The following RPTOR variants were observed in gnomAD, a reference collection of about 807,000 sequenced individuals.
RPTOR encodes the protein regulatory-associated protein of mTOR.
A neutral mutation model predicts 169.9 loss-of-function variants in RPTOR; 21 were observed. That is an observed-to-expected ratio of 0.12 (90% CI 0.09 to 0.18). The LOEUF (loss-of-function observed/expected upper bound fraction) is 0.18, where lower values mean the gene tolerates loss of function less well. Among genes scored for constraint, RPTOR ranks in the 10% least tolerant of loss-of-function variants. The pLI is 1.00. For synonymous variants in RPTOR, 732 were observed against 753.2 expected (o/e 0.97, Z 0.46); for missense variants, 1,133 against 1,855.9 (o/e 0.61, Z 7.16).
At chr17:80,590,931 G>T (rs1467358599) in intron 1 of RPTOR, among the ~76,000 whole-genome samples, 1 of 151,914 alleles carries the variant, frequency 6.6e-6, no homozygotes, top group Non-Finnish European at 1.5e-5. Flanking sequence ...TCTGTGGAAT[G>T]ATTTTTTTAA....
intron 21 of RPTOR, among the ~76,000 whole-genome samples, chr17:80,921,808 G>A (rs1011813155): frequency 6.6e-6 from 1 of 152,054 alleles, no homozygotes; most frequent in Non-Finnish European, 1.5e-5. Context: ...CCCACCCTCC[G>A]GGAGCAGCCA....
intron 1 of RPTOR, among the ~76,000 whole-genome samples, chr17:80,557,696 G>C (rs2084428016): frequency 6.6e-6 from 1 of 150,434 alleles, no homozygotes; most frequent in African/African-American, 2.4e-5. Flanking sequence ...AGGCTAAGGA[G>C]GGCAGATCAC....
At chr17:80,855,290 C>T (rs2067840007) in intron 11 of RPTOR, among the ~76,000 whole-genome samples, 174 bp from the exon 12 acceptor site, 1 of 152,218 alleles carries the variant, frequency 6.6e-6, no homozygotes, top group Non-Finnish European at 1.5e-5. Flanking sequence ...TTTTCTTCAC[C>T]TGTCTAAAAG....
chr17:80,607,296 A>C (rs905010462), intron 1 of RPTOR, among the ~76,000 whole-genome samples: 18 of 152,238 alleles, frequency 1.2e-4, no homozygotes, highest in African/African-American at 4.1e-4. Context: ...TGGCAGTACC[A>C]GATTTTATTT....
At chr17:80,899,094 C>T (rs771390526) in intron 20 of RPTOR, among the ~76,000 whole-genome samples, 32 of 152,256 alleles carry the variant, frequency 2.1e-4, no homozygotes, top group Non-Finnish European at 4.4e-4. Flanking sequence ...AGCCCAGACA[C>T]GCCAACTTGT....
intron 3 of RPTOR, among the ~76,000 whole-genome samples, chr17:80,669,395 T>C (rs994442470): frequency 5.9e-5 from 9 of 152,220 alleles, no homozygotes; most frequent in African/African-American, 2.2e-4. Context: ...CATTCTTTCT[T>C]TTTTTTGAGA....
chr17:80,949,145 G>A (rs558194912), intron 27 of RPTOR, among the ~76,000 whole-genome samples: 124 of 152,310 alleles, frequency 8.1e-4, no homozygotes, highest in Non-Finnish European at 1.6e-3. Context: ...AGGAAGGGCA[G>A]CCCCGGCTCC....
At chr17:80,940,004 C>T (rs921196955) in intron 24 of RPTOR, among the ~76,000 whole-genome samples, 1 of 152,166 alleles carries the variant, frequency 6.6e-6, no homozygotes, top group Non-Finnish European at 1.5e-5. Context: ...GAGGGACCAG[C>T]GATGTGTTTT....
intron 1 of RPTOR, among the ~76,000 whole-genome samples, chr17:80,547,250 C>T (rs546324347): frequency 8.5e-5 from 13 of 152,182 alleles, no homozygotes; most frequent in African/African-American, 3.1e-4. Flanking sequence ...TTATGGACAT[C>T]TTTAGTAGTA....
intron 13 of RPTOR, among the ~76,000 whole-genome samples, chr17:80,879,851 A>G (rs2068166184): frequency 6.6e-6 from 1 of 152,250 alleles, no homozygotes; most frequent in African/African-American, 2.4e-5. Flanking sequence ...CTTTAGCACC[A>G]GGAAACCTCC....
intron 2 of RPTOR, among the ~76,000 whole-genome samples, chr17:80,634,368 TA>T (rs1271228849): frequency 1.2e-5 from 1 of 81,648 alleles, no homozygotes. Context: ...TGTGTGTGCA[TA>T]CTGTGTGTGT....
chr17:80,959,776 C>T lies in RPTOR; in HGVS notation c.3478-302C>T, dbSNP rs549290235. On this transcript the variant is annotated intron_variant, in intron 29 of 33. Coordinates refer to ENST00000306801, the MANE Select transcript of RPTOR (RefSeq NM_020761.3). This position sits in a 1 kb window ranked among gnomAD's most constrained non-coding sequence, Gnocchi z 6.7. ...CCAGAGGCGTTTGCAGGCCTCCGCTCGGGGTGGGGCTGGCCTCTGCCTCAC... is the reference window on the plus strand; with the variant it reads ...CCAGAGGCGTTTGCAGGCCTCCGCTTGGGGTGGGGCTGGCCTCTGCCTCAC... 3.9e-5 allele frequency among the ~76,000 whole-genome samples: 6 copies of T among 152,292 alleles called. No individual in the cohort carries two copies. In the East Asian group the frequency reaches 7.7e-4, roughly 20 times the overall value.
rs770271769 is a variant in RPTOR, at chr17:80,721,923, A to G, written c.508-8637A>G. ...TAAGGGCAAAGGTCAGCTGCTTCCT[A>G]TTCCTTGTGGATTGTGCTGCTGATG... On this transcript the variant is annotated intron_variant, in intron 4 of 33. Transcript: ENST00000306801. The surrounding 1 kb of genome is among the most constrained non-coding windows in gnomAD (Gnocchi z 4.7). Among the ~76,000 whole-genome samples the G allele has an allele frequency of 6.6e-6, 1 of 151,138 alleles. No individual in the cohort carries two copies. The highest frequency in any genetic ancestry group is 1.5e-5 in the Non-Finnish European group (1 of 68,012).
intron 21 of RPTOR, among the ~76,000 whole-genome samples, chr17:80,921,204 C>T (rs1419138891): frequency 1.3e-5 from 2 of 152,244 alleles, no homozygotes; most frequent in Non-Finnish European, 1.5e-5. Flanking sequence ...AGGCTCCACG[C>T]GGATGCGGAC....
chr17:80,823,556 G>A lies in RPTOR; in HGVS notation c.1136+333G>A. 1 of 226,280 alleles carries A rather than the reference G, an allele frequency of 4.4e-6. No individual in the cohort carries two copies. The highest frequency in any genetic ancestry group is 9.6e-5 in the South Asian group (1 of 10,460). The allele number at this position is 226,280 out of a possible 1,614,324, so 14.0% of individuals were successfully genotyped here. On this transcript the variant is annotated intron_variant, in intron 9 of 33. Transcript: ENST00000306801. The surrounding 1 kb of genome is among the most constrained non-coding windows in gnomAD (Gnocchi z 4.5). ...ACCAGTAGTGAGAAAATAACTTGCT[G>A]ACTTGAATTTATGAAGCACATGCAA...
chr17:80,963,817 G>C (rs369940570), intron 33 of RPTOR, among the ~76,000 whole-genome samples: 1 of 140,466 alleles, frequency 7.1e-6, no homozygotes, highest in Non-Finnish European at 1.6e-5. Flanking sequence ...CCCGTCCGCT[G>C]TGCGGCCGAG....
intron 9 of RPTOR, among the ~76,000 whole-genome samples, chr17:80,824,675 C>T (rs759074286): frequency 3.3e-5 from 5 of 152,198 alleles, no homozygotes; most frequent in Non-Finnish European, 4.4e-5. Context: ...CACTGGGAGC[C>T]GGTTGAGCAC....
chr17:80,663,270 G>T (rs2065738306), intron 3 of RPTOR, among the ~76,000 whole-genome samples: 1 of 152,164 alleles, frequency 6.6e-6, no homozygotes, highest in Non-Finnish European at 1.5e-5. Flanking sequence ...GAGTGTTGGG[G>T]TGCAAGTCTT....
chr17:80,676,250 G>T (rs774280676), intron 3 of RPTOR, among the ~76,000 whole-genome samples: 3 of 152,248 alleles, frequency 2.0e-5, no homozygotes, highest in Non-Finnish European at 4.4e-5. Context: ...TAGGTTAGAA[G>T]TGGTTAAGTA....
Sources: allele counts gnomAD v4.1 joint callset (sites outside exome capture counted in the v4.1 genomes callset), GRCh38; gene constraint gnomAD v4.1.1; non-coding constraint Gnocchi (gnomAD v3.1); transcripts MANE v1.5; gene names NCBI Gene and HGNC (gene_info 2026-07-23, HGNC 2026-07-21).